Variants in AUTS2 observed in about 807,000 individuals in gnomAD.
AUTS2 encodes the protein activator of transcription and developmental regulator AUTS2, also known as autism susceptibility gene 2 protein.
Under a neutral mutation model 112.4 loss-of-function variants are expected in AUTS2, and 17 were observed. The observed-to-expected ratio is 0.15, with a 90% CI of 0.10 to 0.23. The LOEUF is 0.23. AUTS2 is among the 10% of genes least tolerant of loss of function. AUTS2 has a pLI of 1.00. For synonymous variants in AUTS2, 751 were observed against 702.7 expected, an observed-to-expected ratio of 1.07 and a Z score of -1.09; for missense variants, 1,510 against 1,701.6, an observed-to-expected ratio of 0.89 and a Z score of 1.98.
At chr7:70,788,958 C>T (rs1791695140) in intron 18 of AUTS2, among the ~76,000 whole-genome samples, 1 of 152,232 alleles carries the variant, frequency 6.6e-6, no homozygotes, top group East Asian at 1.9e-4. Context: ...CCATCCAAGA[C>T]AGGTCTCTAA....
chr7:69,681,263 A>G (rs1031584705), intron 1 of AUTS2, among the ~76,000 whole-genome samples: 1 of 152,208 alleles, frequency 6.6e-6, no homozygotes, highest in African/African-American at 2.4e-5. Context: ...TCTTCTGCAT[A>G]TGTACCTGGA....
At chr7:70,758,902 T>A (rs555521488) in intron 6 of AUTS2, among the ~76,000 whole-genome samples, 1 of 34,220 alleles carries the variant, frequency 2.9e-5, no homozygotes, top group Non-Finnish European at 7.6e-5. Context: ...GCCACAAAAA[T>A]GCCTGACGCC....
At chr7:70,234,756 C>T (rs1158397683) in intron 4 of AUTS2, among the ~76,000 whole-genome samples, 1 of 152,140 alleles carries the variant, frequency 6.6e-6, no homozygotes, top group African/African-American at 2.4e-5. Context: ...GAGGCCTAAA[C>T]GTTGAATCCC....
At chr7:70,295,952 T>A (rs1460171947) in intron 4 of AUTS2, among the ~76,000 whole-genome samples, 2 of 152,148 alleles carry the variant, frequency 1.3e-5, no homozygotes, top group Non-Finnish European at 2.9e-5. Flanking sequence ...TGTCAATCTG[T>A]ATACATTATT....
chr7:69,602,202 C>T (rs1279743292), intron 1 of AUTS2, among the ~76,000 whole-genome samples: 1 of 151,694 alleles, frequency 6.6e-6, no homozygotes. Flanking sequence ...AAAATGTGCT[C>T]ATTTTAATTT....
intron 5 of AUTS2, chr7:70,436,485 T>G (rs1033188826): frequency 7.2e-5 from 11 of 152,372 alleles, no homozygotes; most frequent in African/African-American, 2.2e-4. Flanking sequence ...GCAAAGGGAT[T>G]ATTTGTCTGT....
intron 4 of AUTS2, among the ~76,000 whole-genome samples, chr7:70,303,431 CGCGCACAT>C (rs1487092067): frequency 1.5e-5 from 2 of 133,192 alleles, no homozygotes; most frequent in African/African-American, 6.3e-5. Flanking sequence ...CACGCGCGCG[CGCGCACAT>C]ACACACACAC....
chr7:70,254,022 T>G (rs780239573), intron 4 of AUTS2, among the ~76,000 whole-genome samples: 21 of 152,122 alleles, frequency 1.4e-4, no homozygotes, highest in Non-Finnish European at 2.2e-4. Context: ...AAAAACTAAA[T>G]TTTTTTTCTT....
chr7:69,682,461 A>G (rs976997470), intron 1 of AUTS2, among the ~76,000 whole-genome samples: 1 of 152,180 alleles, frequency 6.6e-6, no homozygotes, highest in African/African-American at 2.4e-5. Flanking sequence ...GGGTGACCTG[A>G]GTAAGATCAT....
intron 6 of AUTS2, among the ~76,000 whole-genome samples, chr7:70,734,474 A>G (rs1392095436): frequency 2.0e-5 from 3 of 151,992 alleles, no homozygotes; most frequent in Non-Finnish European, 2.9e-5. Context: ...ACCTTGATAA[A>G]TATTAGTATG....
intron 2 of AUTS2, among the ~76,000 whole-genome samples, chr7:70,016,587 A>G (rs1800037841): frequency 6.6e-6 from 1 of 152,000 alleles, no homozygotes; most frequent in Non-Finnish European, 1.5e-5. Flanking sequence ...TGCTCTTATC[A>G]CACAGTTCAC....
intron 5 of AUTS2, among the ~76,000 whole-genome samples, chr7:70,536,572 C>CTTTTTTTTT (rs34639179): frequency 8.2e-5 from 4 of 49,048 alleles, no homozygotes; most frequent in Admixed American, 3.1e-4. Flanking sequence ...GAAGCCAAGG[C>CTTTTTTTTT]TTTTTTTTTT....
At chr7:70,303,437 C>CCT (rs1554361445) in intron 4 of AUTS2, among the ~76,000 whole-genome samples, 8 of 141,734 alleles carry the variant, frequency 5.6e-5, no homozygotes, top group African/African-American at 1.9e-4. Flanking sequence ...CGCGCGCGCA[C>CCT]ATACACACAC....
rs114238516 is a variant in AUTS2, at chr7:70,165,096, C to T, written c.660+30525C>T. ...ATGAAAAAATTTTCTGTGGGTTTAT[C>T]AACAGACTTGATACGATAGAGGAAA... On this transcript the variant is annotated intron_variant, in intron 4 of 18. Coordinates refer to ENST00000342771, the MANE Select transcript of AUTS2 (RefSeq NM_015570.4). Among the ~76,000 whole-genome samples, 759 of 152,068 alleles carry T rather than the reference C, an allele frequency of 5.0e-3. 12 individuals carry two copies. The highest frequency in any genetic ancestry group is 0.017 in the African/African-American group (709 of 41,472).
chr7:70,303,434 G>GCGCACACA (rs1241517255), intron 4 of AUTS2, among the ~76,000 whole-genome samples: 4,280 of 141,976 alleles, frequency 0.03, 111 homozygotes, highest in African/African-American at 0.046. Flanking sequence ...GCGCGCGCGC[G>GCGCACACA]CACATACACA....
chr7:69,850,523 G>A (rs1359584467), intron 1 of AUTS2, among the ~76,000 whole-genome samples: 5 of 146,892 alleles, frequency 3.4e-5, no homozygotes, highest in African/African-American at 1.2e-4. Context: ...ATTTGGAATT[G>A]TTGCTGTTTT....
intron 4 of AUTS2, among the ~76,000 whole-genome samples, chr7:70,176,063 A>C (rs1808970713): frequency 6.6e-6 from 1 of 152,188 alleles, no homozygotes; most frequent in African/African-American, 2.4e-5. Flanking sequence ...TATAGTTTGG[A>C]ACCTGTCTGG....
At chr7:70,063,264 T>G (rs1008408713) in intron 2 of AUTS2, among the ~76,000 whole-genome samples, 3 of 152,028 alleles carry the variant, frequency 2.0e-5, no homozygotes, top group Admixed American at 2.0e-4. Context: ...GGGTTTTGTT[T>G]TTTTTTTTTT....
chr7:70,561,894 T>C (rs1801503767), intron 5 of AUTS2, among the ~76,000 whole-genome samples: 1 of 152,022 alleles, frequency 6.6e-6, no homozygotes, highest in Non-Finnish European at 1.5e-5. Flanking sequence ...ACATTGCATC[T>C]CCAGTGTTCG....
Sources: gnomAD v4.1 joint callset for allele counts (sites outside exome capture counted in the v4.1 genomes callset) on GRCh38, gnomAD v4.1.1 for gene constraint, MANE v1.5 for transcripts, NCBI Gene and HGNC (gene_info 2026-07-23, HGNC 2026-07-21) for gene names.